WDPCP: variants seen among roughly 807,000 people sequenced by gnomAD.
WDPCP encodes the protein WD repeat-containing and planar cell polarity effector protein fritz homolog.
In WDPCP, 71 loss-of-function variants were observed where a neutral mutation model predicts 93.1. That is an observed-to-expected ratio of 0.76 (90% CI 0.63 to 0.93). The LOEUF (loss-of-function observed/expected upper bound fraction) is 0.93, where lower values mean the gene tolerates loss of function less well. WDPCP is among the 40% of genes least tolerant of loss of function. The probability of loss-of-function intolerance (pLI) is 0.00; values close to 1 mark genes in which losing one functional copy is unlikely to be tolerated. For missense variants in WDPCP, 844 were observed against 887.4 expected (o/e 0.95, Z 0.62); for synonymous variants, 315 against 315.0 (o/e 1.00, Z 0.00).
intron 3 of WDPCP, among the ~76,000 whole-genome samples, chr2:63,637,711 T>G (rs1010740865): frequency 6.6e-6 from 1 of 152,050 alleles, no homozygotes; most frequent in Non-Finnish European, 1.5e-5. Context: ...ATCAGGGAAA[T>G]GCAAATCAAA....
intron 1 of WDPCP, among the ~76,000 whole-genome samples, chr2:63,519,659 C>T (rs1702794394): frequency 6.6e-6 from 1 of 151,908 alleles, no homozygotes; most frequent in Non-Finnish European, 1.5e-5. Context: ...TAAAATTATC[C>T]AGAAGTCAAC....
intron 2 of WDPCP, among the ~76,000 whole-genome samples, chr2:63,777,040 A>G (rs934721709): frequency 6.6e-6 from 1 of 152,196 alleles, no homozygotes; most frequent in Non-Finnish European, 1.5e-5. Context: ...GGTATTGTAT[A>G]TCTCAAAATA....
At chr2:63,723,933 T>C (rs1456600975) in intron 2 of WDPCP, among the ~76,000 whole-genome samples, 1 of 152,258 alleles carries the variant, frequency 6.6e-6, no homozygotes, top group Non-Finnish European at 1.5e-5. Flanking sequence ...GCAACTCATC[T>C]TGAACTCTGG....
intron 14 of WDPCP, among the ~76,000 whole-genome samples, chr2:63,258,490 G>A (rs12991228): frequency 2.0e-5 from 3 of 151,960 alleles, no homozygotes; most frequent in Admixed American, 6.6e-5. Context: ...CAAAAACAAA[G>A]CACAAGATCT....
At chr2:63,667,166 T>G (rs1272571357) in intron 2 of WDPCP, among the ~76,000 whole-genome samples, 1 of 152,332 alleles carries the variant, frequency 6.6e-6, no homozygotes, top group African/African-American at 2.4e-5. Flanking sequence ...AAAACTGTTA[T>G]GAAAATGTGT....
intron 3 of WDPCP, among the ~76,000 whole-genome samples, chr2:63,620,055 C>T (rs917550208): frequency 2.0e-5 from 3 of 152,196 alleles, no homozygotes; most frequent in African/African-American, 7.2e-5. Flanking sequence ...CAGGTGCCTA[C>T]ACCACCAGGG....
intron 17 of WDPCP, among the ~76,000 whole-genome samples, chr2:63,138,454 C>CTTTT (rs770979974): frequency 1.5e-5 from 2 of 133,720 alleles, no homozygotes; most frequent in Non-Finnish European, 3.2e-5. Context: ...TGAGTAAGTT[C>CTTTT]TTTTTTTTTT....
In WDPCP at chr2:63,576,426, C is replaced by G. The variant is rs76017256; in HGVS notation, c.75+11771G>C. Among the ~76,000 whole-genome samples, 554 of 152,312 alleles carry G rather than the reference C, an allele frequency of 3.6e-3. 4 individuals carry two copies. The highest frequency in any genetic ancestry group is 0.012 in the African/African-American group (515 of 41,566). ...ATTATAAAGGTTACTACAAAGGATA[C>G]AGATGAACAGCCAGATGGAAGAAAT... On this transcript the variant is annotated intron_variant, in intron 1 of 17. Coordinates refer to ENST00000272321, the MANE Select transcript of WDPCP (RefSeq NM_015910.7).
chr2:63,186,775 C>T (rs1379818483), intron 14 of WDPCP, among the ~76,000 whole-genome samples: 1 of 151,174 alleles, frequency 6.6e-6, no homozygotes, highest in Non-Finnish European at 1.5e-5. Context: ...AATAAAAGAG[C>T]ACTATATGAC....
chr2:63,451,364 G>A (rs115466342), intron 6 of WDPCP, among the ~76,000 whole-genome samples: 2,513 of 152,148 alleles, frequency 0.017, 82 homozygotes, highest in African/African-American at 0.057. Context: ...TAAATTCTTC[G>A]ACACATACAC....
At chr2:63,376,291 G>T (rs1202641570) in intron 12 of WDPCP, among the ~76,000 whole-genome samples, 34 of 151,548 alleles carry the variant, frequency 2.2e-4, no homozygotes, top group Admixed American at 2.2e-3. Flanking sequence ...ATGCCCCAAG[G>T]GAAAACATCC....
At chr2:63,573,680 C>T (rs1558828301) in intron 1 of WDPCP, among the ~76,000 whole-genome samples, 1 of 152,122 alleles carries the variant, frequency 6.6e-6, no homozygotes, top group African/African-American at 2.4e-5. Flanking sequence ...GAAAAAAGAA[C>T]AGGATAACAG....
chr2:63,442,594 A>G (rs1697574805), intron 6 of WDPCP: 1 of 152,162 alleles, frequency 6.6e-6, no homozygotes, highest in Non-Finnish European at 1.5e-5. Context: ...GTTGGACTCA[A>G]TGTTAGATGT....
chr2:63,769,064 T>C (rs546420007), intron 2 of WDPCP, among the ~76,000 whole-genome samples: 1 of 152,048 alleles, frequency 6.6e-6, no homozygotes, highest in African/African-American at 2.4e-5. Flanking sequence ...CTACTCTGAG[T>C]TTCTGATTCC....
rs957879359 is a variant in WDPCP at position 63,119,950 on chromosome 2, T to A, written c.*2056A>T. 3.9e-5 allele frequency among the ~76,000 whole-genome samples: 6 copies of A among 152,220 alleles called. No homozygotes were observed. Among genetic ancestry groups the A allele is most frequent in the Admixed American group, 3.9e-4 (6 of 15,282 alleles). ...TGGTTTTCTGTACATTTAACTTTTC[T>A]AGAGGTATGTGAAGTGGGGAAAATG... On this transcript the variant is annotated 3_prime_UTR_variant, in exon 18 of 18. Coordinates refer to ENST00000272321, the MANE Select transcript of WDPCP (RefSeq NM_015910.7).
At chr2:63,708,994 G>T (rs1386051601) in intron 2 of WDPCP, among the ~76,000 whole-genome samples, 1 of 146,004 alleles carries the variant, frequency 6.8e-6, no homozygotes, top group Non-Finnish European at 1.5e-5. Context: ...GCCGAGGGGG[G>T]TGGATCATTT....
chr2:63,649,023 A>T (rs1247163168), intron 3 of WDPCP, among the ~76,000 whole-genome samples: 1 of 152,178 alleles, frequency 6.6e-6, no homozygotes, highest in Non-Finnish European at 1.5e-5. Context: ...CTTTGATAGC[A>T]TTTAAAAATT....
chr2:63,723,390 C>T (rs1558895105), intron 2 of WDPCP, among the ~76,000 whole-genome samples: 1 of 151,960 alleles, frequency 6.6e-6, no homozygotes, highest in Non-Finnish European at 1.5e-5. Context: ...TCTTCATAGT[C>T]ACCATCCAGT....
chr2:63,323,087 C>T (rs1003168932), intron 12 of WDPCP, among the ~76,000 whole-genome samples: 1 of 152,220 alleles, frequency 6.6e-6, no homozygotes, highest in African/African-American at 2.4e-5. Context: ...AGAGGAAAGC[C>T]ATTCAGCTCC....
Sources: gnomAD v4.1 joint callset for allele counts (sites outside exome capture counted in the v4.1 genomes callset) on GRCh38, gnomAD v4.1.1 for gene constraint, MANE v1.5 for transcripts, NCBI Gene and HGNC (gene_info 2026-07-23, HGNC 2026-07-21) for gene names.